The following ASAP1 variants were observed in gnomAD, a reference collection of about 807,000 sequenced individuals.
The protein encoded by ASAP1 is arf-GAP with SH3 domain, ANK repeat and PH domain-containing protein 1.
A neutral mutation model predicts 145.2 loss-of-function variants in ASAP1; 43 were observed. The ratio of observed to expected loss-of-function variants is 0.30; its 90% CI spans 0.23 to 0.38. The LOEUF is 0.38. Among genes scored for constraint, ASAP1 ranks in the 10% least tolerant of loss-of-function variants. The pLI, the probability that ASAP1 is intolerant of heterozygous loss-of-function variation, is 1.00. For missense variants in ASAP1, 1,018 were observed against 1,355.3 expected (o/e 0.75, Z 3.91); for synonymous variants, 546 against 515.5 (o/e 1.06, Z -0.80).
At chr8:130,180,907 T>TAA (rs71572332) in intron 7 of ASAP1, 27 bp from the exon 8 acceptor site, 10,074 of 1,303,242 alleles carry the variant, frequency 7.7e-3, no homozygotes, top group East Asian at 0.01. Context: ...TGTCATTATT[T>TAA]AAAAAAAAAA....
intron 3 of ASAP1, among the ~76,000 whole-genome samples, chr8:130,303,170 C>A (rs1234969626): frequency 6.6e-6 from 1 of 152,210 alleles, no homozygotes; most frequent in African/African-American, 2.4e-5. Flanking sequence ...AGGAAGCATG[C>A]TAACATCTTA....
At chr8:130,123,910 G>A in intron 18 of ASAP1, 103 bp downstream of exon 18, 3 of 790,262 alleles carry the variant, frequency 3.8e-6, no homozygotes, top group Middle Eastern at 3.6e-4. Flanking sequence ...TTACAGGCGT[G>A]AGCCACTGCA....
intron 2 of ASAP1, among the ~76,000 whole-genome samples, chr8:130,398,330 C>A (rs867217561): frequency 6.6e-6 from 1 of 152,300 alleles, no homozygotes; most frequent in African/African-American, 2.4e-5. Flanking sequence ...AAGTTACTAT[C>A]CTCTCTGACT....
chr8:130,360,535 A>G (rs1475831666), intron 2 of ASAP1, among the ~76,000 whole-genome samples: 1 of 152,254 alleles, frequency 6.6e-6, no homozygotes, highest in African/African-American at 2.4e-5. Context: ...CTAAGAGGCC[A>G]TGCTTCAGCT....
chr8:130,334,155 G>C (rs548717433), intron 3 of ASAP1, among the ~76,000 whole-genome samples: 34 of 152,322 alleles, frequency 2.2e-4, no homozygotes, highest in African/African-American at 8.2e-4. Context: ...GCAGAAGGCA[G>C]AGGACTCTAG....
chr8:130,224,415 T>C (rs1252600727), intron 4 of ASAP1, among the ~76,000 whole-genome samples: 1 of 152,186 alleles, frequency 6.6e-6, no homozygotes, highest in East Asian at 1.9e-4. Context: ...GTAATTCATA[T>C]GCTATTACAG....
At chr8:130,423,075 G>A (rs757203665) in intron 1 of ASAP1, among the ~76,000 whole-genome samples, 6 of 152,036 alleles carry the variant, frequency 3.9e-5, no homozygotes, top group Admixed American at 1.3e-4. Context: ...CATTGGTTTC[G>A]GTCAGTTTAC....
chr8:130,330,241 G>A (rs1824596721), intron 3 of ASAP1, among the ~76,000 whole-genome samples: 2 of 152,264 alleles, frequency 1.3e-5, no homozygotes, highest in Admixed American at 1.3e-4. Context: ...TCTAATGGGA[G>A]TCTCCATTCC....
At chr8:130,146,624 A>C (rs1345430854) in intron 13 of ASAP1, among the ~76,000 whole-genome samples, 2 of 152,238 alleles carry the variant, frequency 1.3e-5, no homozygotes, top group Non-Finnish European at 2.9e-5. Flanking sequence ...ATAGCAAAGA[A>C]GAGAGCAATC....
chr8:130,358,227 A>T lies in ASAP1; in HGVS notation c.60-84T>A, dbSNP rs1426697211. The T allele has an allele frequency of 1.8e-6, 2 of 1,130,902 alleles. No homozygotes were observed. The highest frequency in any genetic ancestry group is 4.0e-5 in the East Asian group (1 of 24,752). The allele number at this position is 1,130,902 out of a possible 1,614,324, so 70.1% of individuals were successfully genotyped here. ...GGGGCCGCGGGCCGCCCGGAGGCTC[A>T]TGAACCCCGGCGCGCAGCCCGCCAC... On this transcript the variant is annotated intron_variant, in intron 2 of 29. Coordinates refer to ENST00000518721, the MANE Select transcript of ASAP1 (RefSeq NM_018482.4). The surrounding 1 kb of genome is among the most constrained non-coding windows in gnomAD (Gnocchi z 4.1).
chr8:130,170,075 C>G (rs1245355647), intron 9 of ASAP1, among the ~76,000 whole-genome samples: 1 of 152,200 alleles, frequency 6.6e-6, no homozygotes, highest in Non-Finnish European at 1.5e-5. Context: ...ATCTGTTTTG[C>G]TGTCTCCCTA....
chr8:130,364,462 C>T (rs765540781), intron 2 of ASAP1, among the ~76,000 whole-genome samples: 3 of 152,212 alleles, frequency 2.0e-5, no homozygotes, highest in Non-Finnish European at 2.9e-5. Context: ...TTAGAGGTTA[C>T]CTGTCAAGTA....
chr8:130,381,195 T>C (rs1261200077), intron 2 of ASAP1, among the ~76,000 whole-genome samples: 1 of 152,074 alleles, frequency 6.6e-6, no homozygotes, highest in Non-Finnish European at 1.5e-5. Context: ...CCCAGCTACT[T>C]TTTAAATATC....
chr8:130,330,219 C>A (rs1260906566), intron 3 of ASAP1, among the ~76,000 whole-genome samples: 1 of 152,204 alleles, frequency 6.6e-6, no homozygotes, highest in Non-Finnish European at 1.5e-5. Flanking sequence ...AAGCATGAAA[C>A]CGTACTACCC....
chr8:130,076,088 G>C (rs1302273057), intron 27 of ASAP1, among the ~76,000 whole-genome samples: 1 of 152,222 alleles, frequency 6.6e-6, no homozygotes, highest in African/African-American at 2.4e-5. Context: ...AGAAAGAATG[G>C]TTCCTGGGGA....
chr8:130,346,226 G>A (rs1329631200), intron 3 of ASAP1, among the ~76,000 whole-genome samples: 2 of 152,186 alleles, frequency 1.3e-5, no homozygotes, highest in Non-Finnish European at 1.5e-5. Flanking sequence ...TACTAAAAGT[G>A]AAGACATACG....
chr8:130,240,389 CAG>C (rs912700119), intron 3 of ASAP1, among the ~76,000 whole-genome samples: 2 of 152,000 alleles, frequency 1.3e-5, no homozygotes, highest in African/African-American at 4.8e-5. Flanking sequence ...TTTAGAGAGA[CAG>C]GGGATACTGT....
At chr8:130,202,074 G>T (rs943423986) in intron 5 of ASAP1, among the ~76,000 whole-genome samples, 2 of 152,014 alleles carry the variant, frequency 1.3e-5, no homozygotes, top group Non-Finnish European at 2.9e-5. Context: ...TGCTCCCTTT[G>T]CTTGGAAAGC....
chr8:130,281,991 C>T (rs976212270), intron 3 of ASAP1, among the ~76,000 whole-genome samples: 6 of 151,174 alleles, frequency 4.0e-5, no homozygotes, highest in East Asian at 3.9e-4. Flanking sequence ...AACTTGAACC[C>T]GGGAGGTGGA....
Sources: allele counts gnomAD v4.1 joint callset (sites outside exome capture counted in the v4.1 genomes callset), GRCh38; gene constraint gnomAD v4.1.1; non-coding constraint Gnocchi (gnomAD v3.1); transcripts MANE v1.5; gene names NCBI Gene and HGNC (gene_info 2026-07-23, HGNC 2026-07-21).